Variants in CDH13 observed in about 807,000 individuals in gnomAD.
CDH13 encodes cadherin 13.
CDH13 carries 24 observed loss-of-function variants against 63.8 expected under a neutral mutation model. That is an observed-to-expected ratio of 0.38 (90% CI 0.27 to 0.53). The LOEUF (loss-of-function observed/expected upper bound fraction) is 0.53, where lower values mean the gene tolerates loss of function less well. Ranked by LOEUF, CDH13 falls within the 20% of genes least tolerant of loss-of-function variation. The pLI, the probability that CDH13 is intolerant of heterozygous loss-of-function variation, is 0.85. For missense variants in CDH13, 1,049 were observed against 903.1 expected, an observed-to-expected ratio of 1.16 and a Z score of -2.07; for synonymous variants, 503 against 355.3, an observed-to-expected ratio of 1.42 and a Z score of -4.67.
intron 8 of CDH13, 116 bp from the exon 9 acceptor site, chr16:83,670,674 T>G (rs1470303341): frequency 1.1e-6 from 1 of 944,122 alleles, no homozygotes; most frequent in African/African-American, 1.6e-5. Flanking sequence ...GTAATCCTCT[T>G]ATGTTATTAT....
At chr16:83,753,394 A>G (rs1352809103) in intron 11 of CDH13, among the ~76,000 whole-genome samples, 1 of 152,164 alleles carries the variant, frequency 6.6e-6, no homozygotes, top group Non-Finnish European at 1.5e-5. Context: ...GAATACAAAA[A>G]TTAGTCATGC....
chr16:82,988,703 A>G (rs1463712318), intron 2 of CDH13, among the ~76,000 whole-genome samples: 5 of 151,446 alleles, frequency 3.3e-5, no homozygotes, highest in African/African-American at 1.2e-4. Flanking sequence ...CGGAGGTTGC[A>G]GTGAGCCAAG....
chr16:82,893,936 C>A (rs922571525), intron 2 of CDH13, among the ~76,000 whole-genome samples: 1 of 152,192 alleles, frequency 6.6e-6, no homozygotes, highest in Non-Finnish European at 1.5e-5. Flanking sequence ...TCAGTAACCT[C>A]CCACATGTTT....
At chr16:83,386,798 C>T (rs1251953173) in intron 6 of CDH13, among the ~76,000 whole-genome samples, 1 of 152,180 alleles carries the variant, frequency 6.6e-6, no homozygotes, top group Non-Finnish European at 1.5e-5. Flanking sequence ...ATGATGATGT[C>T]AGGGGTGTCC....
At chr16:82,639,303 C>T in intron 1 of CDH13, 2 of 1,266,458 alleles carry the variant, frequency 1.6e-6, no homozygotes, top group Non-Finnish European at 2.2e-6. Context: ...ACCTTCAGAA[C>T]AGGGTCAGCC....
intron 1 of CDH13, among the ~76,000 whole-genome samples, chr16:82,777,705 A>G (rs1320602740): frequency 2.6e-5 from 4 of 152,192 alleles, no homozygotes; most frequent in Non-Finnish European, 5.9e-5. Context: ...GCTAAAATCA[A>G]GGTGTCAACT....
intron 1 of CDH13, chr16:82,844,485 C>T (rs1224637527): frequency 6.7e-6 from 1 of 150,212 alleles, no homozygotes; most frequent in East Asian, 2.0e-4. Flanking sequence ...CCTGTAGTCC[C>T]AGCTACTCGG....
intron 1 of CDH13, chr16:82,646,297 C>G (rs893388746): frequency 2.0e-5 from 3 of 152,372 alleles, no homozygotes; most frequent in Middle Eastern, 3.4e-3. Flanking sequence ...TCAAGCGATT[C>G]TCGTGCCTCA....
intron 4 of CDH13, among the ~76,000 whole-genome samples, chr16:83,154,149 G>C (rs2037107092): frequency 6.6e-6 from 1 of 152,072 alleles, no homozygotes; most frequent in South Asian, 2.1e-4. Flanking sequence ...CCATGCTACG[G>C]TTCTGCCACC....
chr16:83,568,550 A>G (rs4782545), intron 7 of CDH13, among the ~76,000 whole-genome samples: 148,583 of 152,310 alleles, frequency 0.98, 72,577 homozygotes, highest in East Asian at 1. Context: ...TCACTTTAGG[A>G]GATGATAGTT....
intron 6 of CDH13, among the ~76,000 whole-genome samples, chr16:83,416,939 C>A (rs956199672): frequency 6.6e-5 from 10 of 152,096 alleles, no homozygotes; most frequent in African/African-American, 2.2e-4. Context: ...CAGTGCCCGG[C>A]ACATGTTAAG....
chr16:82,920,221 T>G (rs971322933), intron 2 of CDH13, among the ~76,000 whole-genome samples: 9 of 152,340 alleles, frequency 5.9e-5, no homozygotes, highest in African/African-American at 2.2e-4. Context: ...TTTGTCTGTG[T>G]TGGCTCCATT....
chr16:83,097,337 C>G (rs1160752532), intron 3 of CDH13, among the ~76,000 whole-genome samples: 1 of 152,088 alleles, frequency 6.6e-6, no homozygotes, highest in East Asian at 1.9e-4. Context: ...CTTTGTATTC[C>G]TTAAAAAGAC....
At chr16:83,346,791 TG>T (rs2090849482) in intron 6 of CDH13, among the ~76,000 whole-genome samples, 1 of 152,262 alleles carries the variant, frequency 6.6e-6, no homozygotes, top group African/African-American at 2.4e-5. Flanking sequence ...TTTTTATGTA[TG>T]TTTTTTGTGT....
At chr16:82,667,729 T>A (rs1205709534) in intron 1 of CDH13, among the ~76,000 whole-genome samples, 1 of 152,042 alleles carries the variant, frequency 6.6e-6, no homozygotes, top group Non-Finnish European at 1.5e-5. Flanking sequence ...GCAGTCACTA[T>A]GGAGCCGCCC....
intron 1 of CDH13, among the ~76,000 whole-genome samples, chr16:82,692,938 A>T (rs1455314235): frequency 1.3e-5 from 2 of 152,086 alleles, no homozygotes; most frequent in African/African-American, 4.8e-5. Context: ...GTACCTCAAC[A>T]TTGAGGGAGG....
rs576585852 is a variant in CDH13, at chr16:83,014,288, G to C, written c.158-17722G>C. Reference sequence around the variant, plus strand: ...AAACATTGTATTATCAACCGTTAGCGTGAGGAGACAACTCTTAGAGCCCAA... The same window carrying C: ...AAACATTGTATTATCAACCGTTAGCCTGAGGAGACAACTCTTAGAGCCCAA... On this transcript the variant is annotated intron_variant, in intron 2 of 13. Coordinates refer to ENST00000567109, the MANE Select transcript of CDH13 (RefSeq NM_001257.5). Among the ~76,000 whole-genome samples the C allele has an allele frequency of 6.5e-4, 94 of 144,488 alleles. 1 individual carries two copies. Among genetic ancestry groups the C allele is most frequent in the African/African-American group, 2.3e-3 (89 of 38,514 alleles). 94.8% of individuals were successfully genotyped at this position (144,488 alleles called of 152,430 possible).
chr16:83,768,550 A>C (rs902948305), intron 11 of CDH13, among the ~76,000 whole-genome samples: 2 of 152,218 alleles, frequency 1.3e-5, no homozygotes, highest in Non-Finnish European at 2.9e-5. Flanking sequence ...GGGCTAGTCC[A>C]CAGAGTAAAG....
rs115325813 is a variant in CDH13, at chr16:82,837,128, G to A, written c.46-21234G>A. Among the ~76,000 whole-genome samples, 655 of 152,278 alleles carry A rather than the reference G, an allele frequency of 4.3e-3. 3 individuals are homozygous for A. Among genetic ancestry groups the A allele is most frequent in the African/African-American group, 0.014 (592 of 41,550 alleles). On this transcript the variant is annotated intron_variant, in intron 1 of 13. Transcript: ENST00000567109. Reference sequence around the variant, plus strand: ...CCCTGTATTTTCCTCAGGCAGTTTGGGCACTGTGGGTGAGCCCAGAGGGTG... The same window carrying A: ...CCCTGTATTTTCCTCAGGCAGTTTGAGCACTGTGGGTGAGCCCAGAGGGTG...
Sources: gnomAD v4.1 joint callset for allele counts (sites outside exome capture counted in the v4.1 genomes callset) on GRCh38, gnomAD v4.1.1 for gene constraint, MANE v1.5 for transcripts, NCBI Gene and HGNC (gene_info 2026-07-23, HGNC 2026-07-21) for gene names.